The following EHMT1 variants were observed in gnomAD, a reference collection of about 807,000 sequenced individuals.
The protein encoded by EHMT1 is euchromatic histone lysine methyltransferase 1.
EHMT1 carries 15 observed loss-of-function variants against 147.2 expected under a neutral mutation model. The observed-to-expected ratio is 0.10, with a 90% CI of 0.07 to 0.16. The LOEUF (loss-of-function observed/expected upper bound fraction) is 0.16. Ranked by LOEUF, EHMT1 falls within the 10% of genes least tolerant of loss-of-function variation. The pLI, the probability that EHMT1 is intolerant of heterozygous loss-of-function variation, is 1.00. For missense variants in EHMT1, 1,587 were observed against 1,772.4 expected (o/e 0.90, Z 1.88); for synonymous variants, 795 against 709.6 (o/e 1.12, Z -1.91).
chr9:137,831,676 C>T (rs375642805), intron 25 of EHMT1, among the ~76,000 whole-genome samples: 2 of 152,356 alleles, frequency 1.3e-5, no homozygotes, highest in African/African-American at 4.8e-5. Context: ...AAATACGTGT[C>T]TGTTGGCCCA....
chr9:137,638,620 G>C (rs959385750), intron 1 of EHMT1, among the ~76,000 whole-genome samples: 5 of 152,146 alleles, frequency 3.3e-5, no homozygotes, highest in Non-Finnish European at 7.3e-5. Flanking sequence ...ATATGTTGAA[G>C]TCCTAAACCC....
chr9:137,818,039 C>A (rs374530210), intron 24 of EHMT1, 21 bp from the exon 25 acceptor site: 14 of 1,613,806 alleles, frequency 8.7e-6, no homozygotes, highest in Non-Finnish European at 1.1e-5. Flanking sequence ...CAGGGCCTCA[C>A]CTGCACCGCA....
intron 25 of EHMT1, among the ~76,000 whole-genome samples, chr9:137,818,591 G>T (rs1187266241): frequency 8.0e-6 from 1 of 124,260 alleles, no homozygotes; most frequent in Non-Finnish European, 1.5e-5. Flanking sequence ...GAGGCCGATT[G>T]AGGGGCGCCA....
At chr9:137,817,051 C>A (rs1954975912) in intron 23 of EHMT1, 1 of 288,904 alleles carries the variant, frequency 3.5e-6, no homozygotes, top group South Asian at 3.4e-5. Context: ...CCTGTGGGCT[C>A]CTTGTCGGGA....
chr9:137,758,660 T>C (rs1949565567), intron 9 of EHMT1, among the ~76,000 whole-genome samples: 1 of 152,210 alleles, frequency 6.6e-6, no homozygotes, highest in African/African-American at 2.4e-5. Context: ...GCAAATCTTA[T>C]TTACATTCCC....
At chr9:137,799,388 C>T (rs781640891) in intron 17 of EHMT1, among the ~76,000 whole-genome samples, 1 of 152,190 alleles carries the variant, frequency 6.6e-6, no homozygotes, top group Non-Finnish European at 1.5e-5. Context: ...CACCCGTCTT[C>T]CTTCCTGCTC....
intron 1 of EHMT1, among the ~76,000 whole-genome samples, chr9:137,709,856 G>T (rs904463523): frequency 1.3e-5 from 2 of 152,080 alleles, no homozygotes; most frequent in African/African-American, 4.8e-5. Flanking sequence ...GAGGCTTCCT[G>T]CCCACTTCCA....
At chr9:137,674,197 G>C (rs75821310) in intron 1 of EHMT1, among the ~76,000 whole-genome samples, 1 of 152,140 alleles carries the variant, frequency 6.6e-6, no homozygotes, top group Non-Finnish European at 1.5e-5. Flanking sequence ...TGCCCTTTAC[G>C]AGGCAGTGGT....
chr9:137,619,594 C>T (rs748012702), intron 1 of EHMT1, among the ~76,000 whole-genome samples: 12 of 152,102 alleles, frequency 7.9e-5, no homozygotes, highest in Non-Finnish European at 1.6e-4. Flanking sequence ...GCGTGTTTCT[C>T]CCCAGACAAT....
intron 1 of EHMT1, among the ~76,000 whole-genome samples, chr9:137,677,503 G>A (rs1941478973): frequency 1.3e-5 from 2 of 151,740 alleles, no homozygotes; most frequent in Admixed American, 6.6e-5. Context: ...GCTGCTCACC[G>A]CAAGCTCTGC....
chr9:137,811,708 C>T (rs1954499692), intron 19 of EHMT1, 93 bp downstream of exon 19: 10 of 1,526,696 alleles, frequency 6.6e-6, no homozygotes, highest in Admixed American at 1.8e-5. Flanking sequence ...ACACTTGGGG[C>T]GTGAGTGGAC....
chr9:137,753,369 A>G lies in EHMT1; in HGVS notation c.1249-802A>G, dbSNP rs1490732501. 3.9e-5 allele frequency among the ~76,000 whole-genome samples: 6 copies of G among 152,160 alleles called. No homozygotes were observed. The East Asian group carries it at 1.2e-3, about 29-fold the overall frequency. ...GGGCAGCTAGATTTCCAGCAGCAGC[A>G]GCTTTGGGTGTGGCGCTTGCTGAAA... is the stretch of plus-strand genomic sequence containing the variant. On this transcript the variant is annotated intron_variant, in intron 7 of 26. Coordinates refer to ENST00000460843, the MANE Select transcript of EHMT1 (RefSeq NM_024757.5).
chr9:137,716,839 A>G lies in EHMT1; in HGVS notation c.299A>G (p.Asp100Gly). 1 of 1,613,264 alleles carries G rather than the reference A, an allele frequency of 6.2e-7. No individual in the cohort carries two copies. Among genetic ancestry groups the G allele is most frequent in the Non-Finnish European group, 8.5e-7 (1 of 1,179,894 alleles). ...GCGGAAAATGGGGTTTCAGAAAGAGACTCAGAAGCGGCGAAGCAAAACCAC... is the reference window on the plus strand; with the variant it reads ...GCGGAAAATGGGGTTTCAGAAAGAGGCTCAGAAGCGGCGAAGCAAAACCAC... ...RIAENGVSER[D>G]SEAAKQNHVT... Residue 100 changes from aspartate (D) to glycine (G), a missense_variant, in exon 3 of 27, where the codon GAC (aspartate) becomes GGC (glycine). By Grantham distance (94) the Asp-to-Gly change is moderately conservative. This residue lies in a region of EHMT1 where 810 missense variants were observed against 673.0 expected (regional missense o/e 1.20). Coordinates refer to ENST00000460843, the MANE Select transcript of EHMT1 (RefSeq NM_024757.5).
At chr9:137,721,774 G>C (rs1016554955) in intron 3 of EHMT1, among the ~76,000 whole-genome samples, 2 of 152,130 alleles carry the variant, frequency 1.3e-5, no homozygotes, top group African/African-American at 4.8e-5. Context: ...AGCTTTGAGA[G>C]TTCTGTATAT....
intron 1 of EHMT1, among the ~76,000 whole-genome samples, chr9:137,682,866 T>C (rs1022181142): frequency 6.6e-6 from 1 of 152,034 alleles, no homozygotes; most frequent in African/African-American, 2.4e-5. Flanking sequence ...GGACGATGGG[T>C]CACTCCAGCC....
chr9:137,725,231 G>A (rs1277827579), intron 3 of EHMT1, among the ~76,000 whole-genome samples: 2 of 148,714 alleles, frequency 1.3e-5, no homozygotes, highest in Admixed American at 6.7e-5. Context: ...TGTGGCATTC[G>A]TGGGGCAGAT....
intron 25 of EHMT1, among the ~76,000 whole-genome samples, chr9:137,832,347 T>TG (rs772238012): frequency 2.3e-4 from 32 of 137,114 alleles, no homozygotes; most frequent in Non-Finnish European, 4.8e-4. Flanking sequence ...GCCTTCCACG[T>TG]GGCCTCTGCA....
chr9:137,661,796 A>G (rs1939112927), intron 1 of EHMT1, among the ~76,000 whole-genome samples: 1 of 150,324 alleles, frequency 6.7e-6, no homozygotes, highest in Admixed American at 6.7e-5. Context: ...ATCTTTAAAG[A>G]AATCTATTTT....
At chr9:137,754,120 C>G in intron 7 of EHMT1, 51 bp from the exon 8 acceptor site, 2 of 1,613,108 alleles carry the variant, frequency 1.2e-6, no homozygotes, top group Non-Finnish European at 1.7e-6. Context: ...TCTTGCCTTC[C>G]GTAGCTTCCT....
Sources: allele counts gnomAD v4.1 joint callset (sites outside exome capture counted in the v4.1 genomes callset), GRCh38; gene constraint gnomAD v4.1.1; regional missense constraint gnomAD v4.1.1; transcripts MANE v1.5; gene names NCBI Gene and HGNC (gene_info 2026-07-23, HGNC 2026-07-21).